SNX29: variants seen among roughly 807,000 people sequenced by gnomAD.
SNX29 encodes sorting nexin-29.
In SNX29, 78 loss-of-function variants were observed where a neutral mutation model predicts 102.1. The ratio of observed to expected loss-of-function variants is 0.76; its 90% CI spans 0.64 to 0.92. SNX29 has a LOEUF of 0.92. Ranked by LOEUF, SNX29 falls within the 40% of genes least tolerant of loss-of-function variation. The pLI is 0.00. For synonymous variants in SNX29, 580 were observed against 414.5 expected (o/e 1.40, Z -4.85); for missense variants, 1,280 against 1,061.7 (o/e 1.21, Z -2.86).
At chr16:12,114,583 T>C (rs374949142) in intron 11 of SNX29, among the ~76,000 whole-genome samples, 1 of 151,564 alleles carries the variant, frequency 6.6e-6, no homozygotes, top group Non-Finnish European at 1.5e-5. Flanking sequence ...TTTTTTTTTT[T>C]AATTTTGTTT....
rs565032742 is a variant in SNX29, at chr16:12,542,754, A to T, written c.2318+17913A>T. Reference sequence around the variant, plus strand: ...TTGTGCATATAAGCACTAGACTATCACTGCCTTTTTTTTTTTTTTAAACAA... The same window carrying T: ...TTGTGCATATAAGCACTAGACTATCTCTGCCTTTTTTTTTTTTTTAAACAA... On this transcript the variant is annotated intron_variant, in intron 20 of 20. Coordinates refer to ENST00000566228, the MANE Select transcript of SNX29 (RefSeq NM_032167.5). Among the ~76,000 whole-genome samples, 311 of 146,562 alleles carry T rather than the reference A, an allele frequency of 2.1e-3. 3 individuals carry two copies. Among genetic ancestry groups the T allele is most frequent in the Middle Eastern group, 7.1e-3 (2 of 280 alleles).
chr16:12,038,747 G>C (rs2151164847), intron 4 of SNX29: 2 of 152,350 alleles, frequency 1.3e-5, no homozygotes, highest in East Asian at 3.9e-4. Context: ...GTAGATTCAA[G>C]GTCGGAGGGA....
chr16:12,221,539 G>T (rs1307106672), intron 14 of SNX29, among the ~76,000 whole-genome samples: 1 of 152,162 alleles, frequency 6.6e-6, no homozygotes, highest in East Asian at 1.9e-4. Context: ...ACTTGAACCC[G>T]GGAGGTGGAG....
At chr16:12,517,628 G>A (rs2089922758) in intron 19 of SNX29, among the ~76,000 whole-genome samples, 1 of 152,204 alleles carries the variant, frequency 6.6e-6, no homozygotes, top group Non-Finnish European at 1.5e-5. Flanking sequence ...GGATCTCCAG[G>A]CGCTGTGATA....
chr16:12,419,572 C>T (rs975356880), intron 18 of SNX29, among the ~76,000 whole-genome samples: 1 of 151,858 alleles, frequency 6.6e-6, no homozygotes, highest in South Asian at 2.1e-4. Context: ...GCCCCCCCCC[C>T]CATCTTTCTG....
chr16:12,431,349 T>C (rs1045711009), intron 18 of SNX29, among the ~76,000 whole-genome samples: 1 of 151,916 alleles, frequency 6.6e-6, no homozygotes, highest in Admixed American at 6.5e-5. Context: ...CAGGGGTCTG[T>C]GAGGAGGAGA....
intron 4 of SNX29, among the ~76,000 whole-genome samples, chr16:12,042,484 T>G (rs144660129): frequency 0.014 from 2,138 of 152,278 alleles, 40 homozygotes; most frequent in African/African-American, 0.049. Context: ...CCTCCCTCTC[T>G]ACTCTCTCTA....
intron 12 of SNX29, among the ~76,000 whole-genome samples, chr16:12,128,618 A>G (rs1596992838): frequency 6.6e-6 from 1 of 151,896 alleles, no homozygotes; most frequent in Admixed American, 6.6e-5. Context: ...ACACCTGAGT[A>G]ATTTTTGTAT....
intron 13 of SNX29, among the ~76,000 whole-genome samples, chr16:12,159,911 C>G (rs1431597517): frequency 1.3e-5 from 2 of 152,216 alleles, no homozygotes; most frequent in Non-Finnish European, 2.9e-5. Context: ...GCCCTAGAAT[C>G]TTAGAATCCA....
intron 18 of SNX29, among the ~76,000 whole-genome samples, chr16:12,408,157 C>CAAAAAAAAAAAAAAAAAAAAAAAAAAA (rs1555530421): frequency 7.0e-6 from 1 of 142,926 alleles, no homozygotes; most frequent in African/African-American, 2.8e-5. Context: ...GGACCCTTCT[C>CAAAAAAAAAAAAAAAAAAAAAAAAAAA]AAAAAAACAA....
At chr16:12,393,408 G>GCATTCATTCATT (rs879644508) in intron 16 of SNX29, among the ~76,000 whole-genome samples, 2 of 138,078 alleles carry the variant, frequency 1.4e-5, no homozygotes, top group Admixed American at 7.1e-5. Context: ...ATGCATGCAT[G>GCATTCATTCATT]CATGCATTCA....
intron 1 of SNX29, chr16:11,977,168 G>A (rs900285759): frequency 1.1e-5 from 3 of 278,712 alleles, no homozygotes; most frequent in East Asian, 6.1e-5. Context: ...TCCTAGACCC[G>A]CTGCGTCCCA....
intron 18 of SNX29, among the ~76,000 whole-genome samples, chr16:12,454,037 T>G (rs1035367439): frequency 6.6e-6 from 1 of 152,160 alleles, no homozygotes; most frequent in South Asian, 2.1e-4. Flanking sequence ...TTTCTCAGCT[T>G]CCCTTGCAGC....
At chr16:12,057,791 A>C (rs1163007827) in intron 8 of SNX29, among the ~76,000 whole-genome samples, 1 of 148,060 alleles carries the variant, frequency 6.8e-6, no homozygotes, top group East Asian at 1.9e-4. Flanking sequence ...ACATATATAC[A>C]TACATATACA....
intron 10 of SNX29, among the ~76,000 whole-genome samples, chr16:12,072,177 T>G (rs2051330101): frequency 6.6e-6 from 1 of 152,050 alleles, no homozygotes; most frequent in Admixed American, 6.6e-5. Context: ...CCTGCCTAAT[T>G]GCCCTGGCCA....
rs1019550347 is a variant in SNX29, at chr16:12,571,738, C to T, written c.*3109C>T. On this transcript the variant is annotated 3_prime_UTR_variant, in exon 21 of 21. Coordinates refer to ENST00000566228, the MANE Select transcript of SNX29 (RefSeq NM_032167.5). ...AGGGAGCTTAAAGGCTGCTAGAAAC[C>T]TAGCCCAACCATCCACTCCTGATCT... 1.6e-5 allele frequency: 17 copies of T among 1,034,524 alleles called. No individual in the cohort carries two copies. The highest frequency in any genetic ancestry group is 4.2e-4 in the Middle Eastern group (1 of 2,354). 64.1% of individuals were successfully genotyped at this position (1,034,524 alleles called of 1,614,324 possible). A position where few individuals can be genotyped will look rare whatever the true frequency, so the allele number is the denominator to read the frequency against.
chr16:12,047,010 A>G (rs2050115889), intron 6 of SNX29, among the ~76,000 whole-genome samples: 1 of 152,210 alleles, frequency 6.6e-6, no homozygotes, highest in Non-Finnish European at 1.5e-5. Flanking sequence ...GATGTAATAT[A>G]CATTGCGGGG....
chr16:12,004,508 G>T (rs561564446), intron 3 of SNX29, among the ~76,000 whole-genome samples: 11 of 152,296 alleles, frequency 7.2e-5, no homozygotes, highest in Admixed American at 2.0e-4. Context: ...TGTGAGCTCA[G>T]TCAGAGCTGA....
At chr16:11,995,447 C>T (rs1004935726) in intron 1 of SNX29, among the ~76,000 whole-genome samples, 4 of 152,080 alleles carry the variant, frequency 2.6e-5, no homozygotes. Context: ...CACTTGACAG[C>T]TTCTTGCCTG....
Sources: gnomAD v4.1 joint callset for allele counts (sites outside exome capture counted in the v4.1 genomes callset) on GRCh38, gnomAD v4.1.1 for gene constraint, MANE v1.5 for transcripts, NCBI Gene and HGNC (gene_info 2026-07-23, HGNC 2026-07-21) for gene names.